TUBB4A: variants seen among roughly 807,000 people sequenced by gnomAD.
TUBB4A encodes the protein tubulin beta-4A chain.
In TUBB4A, 13 loss-of-function variants were observed where a neutral mutation model predicts 35.1. The ratio of observed to expected loss-of-function variants is 0.37; its 90% CI spans 0.24 to 0.59. TUBB4A has a LOEUF of 0.59. Among genes scored for constraint, TUBB4A ranks in the 20% least tolerant of loss-of-function variants. The pLI is 0.71. For missense variants in TUBB4A, 299 were observed against 647.2 expected (o/e 0.46, Z 5.84); for synonymous variants, 279 against 272.4 (o/e 1.02, Z -0.24).
At chr19:6,502,057 C>T in intron 1 of TUBB4A, 99 bp downstream of exon 1, 1 of 1,348,226 alleles carries the variant, frequency 7.4e-7, no homozygotes, top group Non-Finnish European at 9.9e-7. Flanking sequence ...GGACCTCATT[C>T]CTTTCCAAAG....
chr19:6,497,032 T>A lies in TUBB4A; in HGVS notation c.278-811A>T, dbSNP rs1292718740. Reference sequence around the variant, plus strand: ...AAAAAAAAAAAAAAAAAAATATATATATATATATATATATATATATATATA... The same window carrying A: ...AAAAAAAAAAAAAAAAAAATATATAAATATATATATATATATATATATATA... On this transcript the variant is annotated intron_variant, in intron 3 of 3. Coordinates refer to ENST00000264071, the MANE Select transcript of TUBB4A (RefSeq NM_006087.4). 2.6e-3 allele frequency among the ~76,000 whole-genome samples: 61 copies of A among 23,442 alleles called. 2 individuals are homozygous for A. Among genetic ancestry groups the A allele is most frequent in the East Asian group, 6.2e-3 (3 of 486 alleles). The allele number at this position is 23,442 out of a possible 152,430, so 15.4% of individuals were successfully genotyped here. A position where few individuals can be genotyped will look rare whatever the true frequency, so the allele number is the denominator to read the frequency against.
upstream of TUBB4A, chr19:6,502,356 G>T: frequency 2.4e-6 from 2 of 849,830 alleles, no homozygotes; most frequent in Non-Finnish European, 3.3e-6. Flanking sequence ...CGGGGCACGC[G>T]TCACGGCCGG....
At chr19:6,497,948 A>T (rs1914334864) in intron 3 of TUBB4A, among the ~76,000 whole-genome samples, 1 of 131,526 alleles carries the variant, frequency 7.6e-6, no homozygotes, top group Non-Finnish European at 1.6e-5. Flanking sequence ...GTGGTGGCTC[A>T]CGCTTGTAAA....
chr19:6,495,080 G>C lies in TUBB4A; in HGVS notation c.*84C>G, dbSNP rs1281165239. 1 of 1,517,036 alleles carries C rather than the reference G, an allele frequency of 6.6e-7. No homozygotes were observed. The highest frequency in any genetic ancestry group is 9.0e-7 in the Non-Finnish European group (1 of 1,114,902). The allele number at this position is 1,517,036 out of a possible 1,614,324, so 94.0% of individuals were successfully genotyped here. On this transcript the variant is annotated 3_prime_UTR_variant, in exon 4 of 4. Coordinates refer to ENST00000264071, the MANE Select transcript of TUBB4A (RefSeq NM_006087.4). This position sits in a 1 kb window ranked among gnomAD's most constrained non-coding sequence, Gnocchi z 8.7. ...GGGAGTCAGCCTTGGAGGGAAAGCG[G>C]GGCTCTAGGGTTCAGAGATGGGGGG...
chr19:6,496,632 AAATAATAAT>A (rs143972720), intron 3 of TUBB4A, among the ~76,000 whole-genome samples: 6 of 143,430 alleles, frequency 4.2e-5, no homozygotes, highest in East Asian at 2.1e-4. Flanking sequence ...CTCCGTCTCA[AAATAATAAT>A]AATAATAATA....
chr19:6,496,151 GAC>G lies in TUBB4A; in HGVS notation c.346_347del (p.Val116ProfsTer38). 2 of 1,614,168 alleles carry G rather than the reference GAC, an allele frequency of 1.2e-6. No individual in the cohort carries two copies. The highest frequency in any genetic ancestry group is 1.7e-6 in the Non-Finnish European group (2 of 1,180,046). On this transcript the variant is annotated frameshift_variant, in exon 4 of 4. Transcript: ENST00000264071. LOFTEE classifies it high-confidence loss of function. ...YTEGAELVDA[V>X]LDVVRKEAES... The stretch of plus-strand genomic sequence containing the variant: ...CGGCCTCCTTCCGGACTACGTCCAG[GAC>G]AGCGTCCACCAGCTCTGCGCCCTCC...
Position 6,502,296 on chromosome 19 carries a change from A to G in TUBB4A, c.-84T>C. ...GCGGCGAGGGTGGAAGATGCGGCGG[A>G]GACGGCGGAGCACGGTCCCTGCGCC... On this transcript the variant is annotated 5_prime_UTR_variant, in exon 1 of 4. Transcript: ENST00000264071. 1.4e-6 allele frequency: 2 copies of G among 1,413,078 alleles called. No homozygotes were observed. Among genetic ancestry groups the G allele is most frequent in the Non-Finnish European group, 1.9e-6 (2 of 1,080,514 alleles). The allele number at this position is 1,413,078 out of a possible 1,614,324, so 87.5% of individuals were successfully genotyped here.
In TUBB4A at chr19:6,501,739, C is replaced by T. The variant is rs1385215788; in HGVS notation, c.58-116G>A. 4.9e-6 allele frequency: 4 copies of T among 812,288 alleles called. No homozygotes were observed. The highest frequency in any genetic ancestry group is 5.0e-5 in the East Asian group (2 of 39,908). 50.3% of individuals were successfully genotyped at this position (812,288 alleles called of 1,614,324 possible). On this transcript the variant is annotated intron_variant, in intron 1 of 3. Coordinates refer to ENST00000264071, the MANE Select transcript of TUBB4A (RefSeq NM_006087.4). The surrounding 1 kb of genome is among the most constrained non-coding windows in gnomAD (Gnocchi z 4.2). ...GCCACCTCTCCCCCAGCAAGGTGAA[C>T]GGGGGACCTAGAGGCATGGTGTCGG...
rs1914041377 is a variant in TUBB4A, at chr19:6,494,842, A to G, written c.*322T>C. The G allele has an allele frequency of 2.2e-6, 1 of 446,114 alleles. No homozygotes were observed. Among genetic ancestry groups the G allele is most frequent in the African/African-American group, 2.0e-5 (1 of 50,580 alleles). The allele number at this position is 446,114 out of a possible 1,614,324, so 27.6% of individuals were successfully genotyped here. A position where few individuals can be genotyped will look rare whatever the true frequency, so the allele number is the denominator to read the frequency against. On this transcript the variant is annotated 3_prime_UTR_variant, in exon 4 of 4. Transcript: ENST00000264071. Reference sequence around the variant, plus strand: ...GGGATTCATGGGGGGCAGAGGTCAAAGGTGAAGCAGAAGTCAGGGGTGAAG... The same window carrying G: ...GGGATTCATGGGGGGCAGAGGTCAAGGGTGAAGCAGAAGTCAGGGGTGAAG...
Position 6,501,882 on chromosome 19 carries a change from C to T in TUBB4A, c.58-259G>A, listed in dbSNP as rs529748851. Reference sequence around the variant, plus strand: ...GCAGCCCGGGGGAGGCACCGGGGCTCTTTGTGCGTGAGGAGGGGACAGTGG... The same window carrying T: ...GCAGCCCGGGGGAGGCACCGGGGCTTTTTGTGCGTGAGGAGGGGACAGTGG... On this transcript the variant is annotated intron_variant, in intron 1 of 3. Transcript: ENST00000264071. The surrounding 1 kb of genome is among the most constrained non-coding windows in gnomAD (Gnocchi z 4.2). 5 of 587,254 alleles carry T rather than the reference C, an allele frequency of 8.5e-6. No individual in the cohort carries two copies. Among genetic ancestry groups the T allele is most frequent in the African/African-American group, 5.6e-5 (3 of 53,420 alleles). 36.4% of individuals were successfully genotyped at this position (587,254 alleles called of 1,614,324 possible).
chr19:6,495,649 G>A lies in TUBB4A; in HGVS notation c.850C>T (p.Leu284=), dbSNP rs1183531879. ...TGCTGGGTGAGCTCGGGCACCGTCA[G>A]GGCCCGGTACTGCTGGCTGCCCCGG... ...TSRGSQQYRA[L]TVPELTQQMF... The change falls in exon 4 of 4, where the codon CTG becomes TTG. Residue 284 remains leucine, a synonymous_variant. Coordinates refer to ENST00000264071, the MANE Select transcript of TUBB4A (RefSeq NM_006087.4). The surrounding 1 kb of genome is among the most constrained non-coding windows in gnomAD (Gnocchi z 8.7). 6.2e-7 allele frequency: 1 copy of A among 1,614,056 alleles called. No individual in the cohort carries two copies. The highest frequency in any genetic ancestry group is 1.7e-5 in the Admixed American group (1 of 60,018).
Position 6,502,143 on chromosome 19 carries a change from G to A in TUBB4A, c.57+13C>T, listed in dbSNP as rs762856073. The stretch of plus-strand genomic sequence containing the variant: ...GGCCGCCACTGCCTCCCCGGGCCCC[G>A]TTCCCCGAGCACCTTGGCCCCGATC... On this transcript the variant is annotated intron_variant, in intron 1 of 3. Coordinates refer to ENST00000264071, the MANE Select transcript of TUBB4A (RefSeq NM_006087.4). 28 of 1,561,574 alleles carry A rather than the reference G, an allele frequency of 1.8e-5. No homozygotes were observed. Among genetic ancestry groups the A allele is most frequent in the Middle Eastern group, 3.5e-4 (2 of 5,764 alleles).
chr19:6,496,614 G>A (rs1914206597), intron 3 of TUBB4A, among the ~76,000 whole-genome samples: 1 of 149,348 alleles, frequency 6.7e-6, no homozygotes, highest in South Asian at 2.1e-4. Flanking sequence ...CTGGGCAACA[G>A]AGCGAGACTC....
At position 6,496,319 on chromosome 19, in the gene TUBB4A, AC is replaced by A. The variant is rs1346940032; in HGVS notation, c.278-99del. On this transcript the variant is annotated intron_variant, in intron 3 of 3. Coordinates refer to ENST00000264071, the MANE Select transcript of TUBB4A (RefSeq NM_006087.4). ...CCTGGAGGGCCTCTAGTAGTTGAATACTAGTAACTATCAAAAATAATAACAA... is the reference window on the plus strand; with the variant it reads ...CCTGGAGGGCCTCTAGTAGTTGAATATAGTAACTATCAAAAATAATAACAA... The A allele has an allele frequency of 1.8e-5, 21 of 1,138,154 alleles. No individual in the cohort carries two copies. The Admixed American group carries it at 4.4e-4, about 24-fold the overall frequency. The allele number at this position is 1,138,154 out of a possible 1,614,324, so 70.5% of individuals were successfully genotyped here.
At chr19:6,496,878 C>T (rs1195627855) in intron 3 of TUBB4A, among the ~76,000 whole-genome samples, 2 of 145,908 alleles carry the variant, frequency 1.4e-5, no homozygotes, top group East Asian at 4.0e-4. Context: ...AAAACCAAGA[C>T]TGGGCACAGT....
chr19:6,496,288 C>G, intron 3 of TUBB4A, 67 bp from the exon 4 acceptor site: 2 of 1,467,910 alleles, frequency 1.4e-6, no homozygotes, highest in Middle Eastern at 1.8e-4. Context: ...CTCTGTCTCT[C>G]CACCACCTGG....
At chr19:6,499,247 G>A (rs1485596865) in intron 3 of TUBB4A, among the ~76,000 whole-genome samples, 1 of 151,980 alleles carries the variant, frequency 6.6e-6, no homozygotes, top group Non-Finnish European at 1.5e-5. Flanking sequence ...GCTTGAATCT[G>A]GGAGGTGGAG....
chr19:6,497,061 AT>A (rs1799491677), intron 3 of TUBB4A, among the ~76,000 whole-genome samples: 1 of 100,170 alleles, frequency 1.0e-5, no homozygotes, highest in African/African-American at 3.8e-5. Context: ...ATATATATAT[AT>A]ATAAATTAGC....
rs1914543342 is a variant in TUBB4A at position 6,501,742 on chromosome 19, G to C, written c.58-119C>G. The C allele has an allele frequency of 1.3e-6, 1 of 771,870 alleles. No homozygotes were observed. Among genetic ancestry groups the C allele is most frequent in the Admixed American group, 2.5e-5 (1 of 40,058 alleles). 47.8% of individuals were successfully genotyped at this position (771,870 alleles called of 1,614,324 possible). On this transcript the variant is annotated intron_variant, in intron 1 of 3. Coordinates refer to ENST00000264071, the MANE Select transcript of TUBB4A (RefSeq NM_006087.4). This position sits in a 1 kb window ranked among gnomAD's most constrained non-coding sequence, Gnocchi z 4.2. ...ACCTCTCCCCCAGCAAGGTGAACGG[G>C]GGACCTAGAGGCATGGTGTCGGGGC...
Sources: gnomAD v4.1 joint callset for allele counts (sites outside exome capture counted in the v4.1 genomes callset) on GRCh38, gnomAD v4.1.1 for gene constraint, Gnocchi (gnomAD v3.1) non-coding constraint, MANE v1.5 for transcripts, NCBI Gene and HGNC (gene_info 2026-07-23, HGNC 2026-07-21) for gene names.